The following PIEZO1 variants were observed in gnomAD, a reference collection of about 807,000 sequenced individuals.
The protein encoded by PIEZO1 is piezo type mechanosensitive ion channel component 1 (Er blood group), also known as piezo-type mechanosensitive ion channel component 1.
Under a neutral mutation model 297.2 loss-of-function variants are expected in PIEZO1, and 296 were observed. The observed-to-expected ratio is 1.00, with a 90% CI of 0.91 to 1.10. The LOEUF (loss-of-function observed/expected upper bound fraction) is 1.10, where lower values mean the gene tolerates loss of function less well. Ranked by LOEUF, PIEZO1 falls within the 50% of genes least tolerant of loss-of-function variation. The probability of loss-of-function intolerance (pLI) is 0.00; values close to 1 mark genes in which losing one functional copy is unlikely to be tolerated. For missense variants in PIEZO1, 5,018 were observed against 3,455.5 expected, an observed-to-expected ratio of 1.45 and a Z score of -11.34; for synonymous variants, 2,427 against 1,507.5, an observed-to-expected ratio of 1.61 and a Z score of -14.13.
At chr16:88,766,651 G>A (rs1053378341) in intron 1 of PIEZO1, among the ~76,000 whole-genome samples, 6 of 152,214 alleles carry the variant, frequency 3.9e-5, no homozygotes, top group African/African-American at 1.4e-4. Context: ...CGAGTGGGAC[G>A]CCGGGGGCCC....
chr16:88,724,302 G>C (rs555644593), intron 30 of PIEZO1, among the ~76,000 whole-genome samples: 1 of 152,112 alleles, frequency 6.6e-6, no homozygotes, highest in Admixed American at 6.5e-5. Flanking sequence ...AGGCTGAGGC[G>C]GGCGGATCAC....
At position 88,780,732 on chromosome 16, in the gene PIEZO1, G is replaced by A. The variant is rs117714928; in HGVS notation, c.64+4169C>T. ...CCCCAGCACTTTTGGAGGCTGAGGC[G>A]GGCAGATCGCTTAAGGTCAGGAGTT... is the stretch of plus-strand genomic sequence containing the variant. On this transcript the variant is annotated intron_variant, in intron 1 of 50. Coordinates refer to ENST00000301015, the MANE Select transcript of PIEZO1 (RefSeq NM_001142864.4). Among the ~76,000 whole-genome samples the A allele has an allele frequency of 3.7e-3, 571 of 152,308 alleles. 1 individual carries two copies. The highest frequency in any genetic ancestry group is 6.3e-3 in the Non-Finnish European group (429 of 68,024).
intron 27 of PIEZO1, 56 bp from the exon 28 acceptor site, chr16:88,725,740 G>T: frequency 1.1e-6 from 1 of 907,018 alleles, no homozygotes; most frequent in Non-Finnish European, 1.8e-6. Flanking sequence ...CAGCAACATG[G>T]GCAGCCGCCG....
chr16:88,778,246 G>C (rs1242830450), intron 1 of PIEZO1, among the ~76,000 whole-genome samples: 1 of 152,172 alleles, frequency 6.6e-6, no homozygotes, highest in African/African-American at 2.4e-5. Context: ...AGCCGGCCTT[G>C]TTCTTGACTC....
chr16:88,751,908 C>G (rs1007020790), intron 1 of PIEZO1, among the ~76,000 whole-genome samples: 2 of 152,164 alleles, frequency 1.3e-5, no homozygotes, highest in African/African-American at 2.4e-5. Flanking sequence ...CTGCCAGGAA[C>G]GTCCAATGCT....
At position 88,751,804 on chromosome 16, in the gene PIEZO1, GT is replaced by G. The variant is rs200617785; in HGVS notation, c.65-2326del. On this transcript the variant is annotated intron_variant, in intron 1 of 50. Transcript: ENST00000301015. Reference sequence around the variant, plus strand: ...GCCGGGTGAGTTCTGCCCCAGTCCTGTCCCCAGAGAAGGTGGCACCTCCCCT... The same window carrying G: ...GCCGGGTGAGTTCTGCCCCAGTCCTGCCCCAGAGAAGGTGGCACCTCCCCT... Among the ~76,000 whole-genome samples the G allele has an allele frequency of 7.8e-3, 1,182 of 152,252 alleles. 4 individuals are homozygous for G. The highest frequency in any genetic ancestry group is 0.012 in the Non-Finnish European group (791 of 68,012).
intron 1 of PIEZO1, among the ~76,000 whole-genome samples, chr16:88,783,308 G>A (rs1345086160): frequency 2.0e-5 from 3 of 152,234 alleles, no homozygotes; most frequent in Admixed American, 6.5e-5. Context: ...ATGAACTCAG[G>A]AGGGCTTTTA....
Position 88,741,594 on chromosome 16 carries a change from T to G in PIEZO1, c.349A>C (p.Asn117His), listed in dbSNP as rs1905664493. ...VTRLDLKDIPNAIRLVAPDLG... is the reference protein window; with the variant it reads ...VTRLDLKDIPHAIRLVAPDLG... Reference sequence around the variant, plus strand: ...TCAGGGGCCACCAGCCGGATGGCGTTGGGGATGTCCTTCAGGTCCAGCCTG... The same window carrying G: ...TCAGGGGCCACCAGCCGGATGGCGTGGGGGATGTCCTTCAGGTCCAGCCTG... The change falls in exon 5 of 51, where the codon AAC becomes CAC. Residue 117 changes from asparagine to histidine, a missense_variant. Coordinates refer to ENST00000301015, the MANE Select transcript of PIEZO1 (RefSeq NM_001142864.4). 4 of 1,533,834 alleles carry G rather than the reference T, an allele frequency of 2.6e-6. No homozygotes were observed. Among genetic ancestry groups the G allele is most frequent in the Admixed American group, 2.0e-5 (1 of 50,736 alleles).
Position 88,741,572 on chromosome 16 carries a change from G to A in PIEZO1, c.371C>T (p.Pro124Leu). Residue 124 changes from proline (P) to leucine (L), a missense_variant, in exon 5 of 51, where the codon CCT becomes CTT. Coordinates refer to ENST00000301015, the MANE Select transcript of PIEZO1 (RefSeq NM_001142864.4). ...DIPNAIRLVA[P>L]DLGILVVSSV... is the part of the protein sequence containing the mutation. ...GGAGACCACCAAGATGCCCAGGTCA[G>A]GGGCCACCAGCCGGATGGCGTTGGG... 6.5e-7 allele frequency: 1 copy of A among 1,535,712 alleles called. No homozygotes were observed. The highest frequency in any genetic ancestry group is 8.7e-7 in the Non-Finnish European group (1 of 1,146,772).
At chr16:88,774,254 G>A (rs9936403) in intron 1 of PIEZO1, among the ~76,000 whole-genome samples, 1 of 152,106 alleles carries the variant, frequency 6.6e-6, no homozygotes, top group Non-Finnish European at 1.5e-5. Context: ...GGTCCAGCCT[G>A]GTGATACATG....
At chr16:88,748,478 G>C (rs1435255918) in intron 2 of PIEZO1, among the ~76,000 whole-genome samples, 1 of 112,478 alleles carries the variant, frequency 8.9e-6, no homozygotes, top group African/African-American at 4.0e-5. Context: ...TTCCCAAGGG[G>C]GGTCTCAGCT....
At chr16:88,772,882 G>C (rs905362790) in intron 1 of PIEZO1, among the ~76,000 whole-genome samples, 9 of 152,096 alleles carry the variant, frequency 5.9e-5, no homozygotes, top group African/African-American at 1.7e-4. Context: ...AAATGTGCAA[G>C]CTCCTGAGGC....
chr16:88,753,198 C>A (rs1353292127), intron 1 of PIEZO1, among the ~76,000 whole-genome samples: 1 of 108,444 alleles, frequency 9.2e-6, no homozygotes, highest in Non-Finnish European at 1.9e-5. Flanking sequence ...GAGCACACCC[C>A]GCCCCCCAGA....
rs998611505 is a variant in PIEZO1, at chr16:88,736,717, G to A, written c.1218C>T (p.Pro406=). The A allele has an allele frequency of 1.2e-5, 19 of 1,531,622 alleles. No homozygotes were observed. The highest frequency in any genetic ancestry group is 1.1e-4 in the African/African-American group (8 of 72,834). 94.9% of individuals were successfully genotyped at this position (1,531,622 alleles called of 1,614,324 possible). A position where few individuals can be genotyped will look rare whatever the true frequency, so the allele number is the denominator to read the frequency against. Residue 406 remains proline, a synonymous_variant, in exon 11 of 51, where the codon CCC becomes CCT. Transcript: ENST00000301015. Reference sequence around the variant, plus strand: ...GGCTGTGGAGCGGAGACGCCTCCCTGGGCTCAGCCCGCTTGGGCCGCACTG... The same window carrying A: ...GGCTGTGGAGCGGAGACGCCTCCCTAGGCTCAGCCCGCTTGGGCCGCACTG... ...RRPVRPKRAE[P]REASPLHSLG...
chr16:88,733,627 C>T lies in PIEZO1; in HGVS notation c.2448G>A (p.Lys816=). 1.3e-6 allele frequency: 2 copies of T among 1,549,472 alleles called. No individual in the cohort carries two copies. Among genetic ancestry groups the T allele is most frequent in the Non-Finnish European group, 8.7e-7 (1 of 1,146,402 alleles). ...CCCAGACGGTGTACAGGGCCACCAG[C>T]TTGAAAACGTGAAGCTCCAGCAGCC... ...LRRLLELHVF[K]LVALYTVWVA... is the part of the protein sequence containing the mutation. Residue 816 remains lysine (K), a synonymous_variant, in exon 18 of 51, where the codon AAG becomes AAA. Coordinates refer to ENST00000301015, the MANE Select transcript of PIEZO1 (RefSeq NM_001142864.4).
intron 25 of PIEZO1, 34 bp downstream of exon 25, chr16:88,726,681 C>T (rs1165477335): frequency 3.5e-5 from 41 of 1,173,372 alleles, no homozygotes; most frequent in African/African-American, 3.2e-4. Flanking sequence ...AGCGGGGCCC[C>T]AGGGCGGTGG....
chr16:88,752,280 C>T (rs1039919500), intron 1 of PIEZO1, among the ~76,000 whole-genome samples: 6 of 151,898 alleles, frequency 4.0e-5, no homozygotes, highest in Admixed American at 2.6e-4. Context: ...CCCAGGAGTT[C>T]GAGACCAGAC....
chr16:88,753,893 G>A (rs12597726), intron 1 of PIEZO1, among the ~76,000 whole-genome samples: 38,210 of 152,188 alleles, frequency 0.25, 5,425 homozygotes, highest in East Asian at 0.53. Context: ...CTCAGGCAGA[G>A]AAGGAAGAAA....
In PIEZO1 at chr16:88,725,690, G is replaced by T. The variant is rs751502624; in HGVS notation, c.3969-6C>A. 1 of 1,456,330 alleles carries T rather than the reference G, an allele frequency of 6.9e-7. No individual in the cohort carries two copies. The highest frequency in any genetic ancestry group is 1.2e-5 in the South Asian group (1 of 82,374). 90.2% of individuals were successfully genotyped at this position (1,456,330 alleles called of 1,614,324 possible). On this transcript the variant is annotated splice_polypyrimidine_tract_variant and splice_region_variant and intron_variant, in intron 27 of 50. Coordinates refer to ENST00000301015, the MANE Select transcript of PIEZO1 (RefSeq NM_001142864.4). The stretch of plus-strand genomic sequence containing the variant: ...CGTTGTAGAGGGCGAAGCCCCTGTA[G>T]GGAGGCGGGGATGGGGTGTGAGCAC...
Sources: allele counts gnomAD v4.1 joint callset (sites outside exome capture counted in the v4.1 genomes callset), GRCh38; gene constraint gnomAD v4.1.1; transcripts MANE v1.5; gene names NCBI Gene and HGNC (gene_info 2026-07-23, HGNC 2026-07-21).